HIBADH: variants seen among roughly 807,000 people sequenced by gnomAD.
HIBADH encodes 3-hydroxyisobutyrate dehydrogenase, mitochondrial.
Under a neutral mutation model 36.1 loss-of-function variants are expected in HIBADH, and 25 were observed. That is an observed-to-expected ratio of 0.69 (90% confidence interval 0.50 to 0.97). The LOEUF (loss-of-function observed/expected upper bound fraction) is 0.97. HIBADH is among the 50% of genes least tolerant of loss of function. HIBADH has a pLI of 0.00. For synonymous variants in HIBADH, 160 were observed against 149.5 expected (o/e 1.07, Z -0.51); for missense variants, 421 against 418.0 (o/e 1.01, Z -0.06).
intron 2 of HIBADH, among the ~76,000 whole-genome samples, chr7:27,640,628 T>C (rs1307910971): frequency 6.6e-6 from 1 of 152,322 alleles, no homozygotes; most frequent in Admixed American, 6.5e-5. Flanking sequence ...TTCCACCTTT[T>C]GGGCCTGAAT....
intron 1 of HIBADH, among the ~76,000 whole-genome samples, chr7:27,650,727 AAAAG>A (rs1435241649): frequency 1.3e-5 from 2 of 149,208 alleles, no homozygotes; most frequent in Non-Finnish European, 1.5e-5. Flanking sequence ...AAAAAAAAAA[AAAAG>A]CCTTAAAAAC....
chr7:27,610,299 T>C (rs1217578484), intron 4 of HIBADH, among the ~76,000 whole-genome samples: 1 of 152,188 alleles, frequency 6.6e-6, no homozygotes, highest in Non-Finnish European at 1.5e-5. Context: ...TTTGGACATA[T>C]GCAAATACCC....
At chr7:27,546,524 T>TA (rs761931646) in intron 4 of HIBADH, among the ~76,000 whole-genome samples, 2 of 152,184 alleles carry the variant, frequency 1.3e-5, no homozygotes, top group African/African-American at 2.4e-5. Context: ...GGGATAATTT[T>TA]AGCCCCTCTT....
intron 4 of HIBADH, among the ~76,000 whole-genome samples, chr7:27,560,704 C>T (rs1349853629): frequency 6.6e-6 from 1 of 152,042 alleles, no homozygotes; most frequent in Non-Finnish European, 1.5e-5. Flanking sequence ...GTGCATATAC[C>T]ACATTTTGTT....
At chr7:27,651,214 A>G (rs930875021) in intron 1 of HIBADH, among the ~76,000 whole-genome samples, 2 of 152,200 alleles carry the variant, frequency 1.3e-5, no homozygotes, top group Non-Finnish European at 2.9e-5. Flanking sequence ...TTGAAGCCCT[A>G]ATGCTTAAGA....
At chr7:27,555,074 A>C (rs1454454892) in intron 4 of HIBADH, among the ~76,000 whole-genome samples, 1 of 152,180 alleles carries the variant, frequency 6.6e-6, no homozygotes, top group Non-Finnish European at 1.5e-5. Flanking sequence ...TTTGAATGCC[A>C]TGTGACTGTT....
chr7:27,596,836 C>A (rs1192482737), intron 4 of HIBADH, among the ~76,000 whole-genome samples: 2 of 152,082 alleles, frequency 1.3e-5, no homozygotes, highest in Non-Finnish European at 2.9e-5. Context: ...CTTTGAACAT[C>A]ATGTCAGTAC....
At chr7:27,550,382 A>G (rs1317598232) in intron 4 of HIBADH, among the ~76,000 whole-genome samples, 1 of 152,110 alleles carries the variant, frequency 6.6e-6, no homozygotes, top group African/African-American at 2.4e-5. Flanking sequence ...TCCTTAAATG[A>G]GCTCTGATTT....
At chr7:27,538,318 T>C in intron 6 of HIBADH, 23 bp downstream of exon 6, 1 of 1,577,256 alleles carries the variant, frequency 6.3e-7, no homozygotes, top group East Asian at 2.2e-5. Flanking sequence ...AATGTTAGTA[T>C]AAAAACGTAC....
At chr7:27,612,583 A>C (rs1381386602) in intron 4 of HIBADH, among the ~76,000 whole-genome samples, 3 of 151,258 alleles carry the variant, frequency 2.0e-5, no homozygotes, top group Non-Finnish European at 4.4e-5. Flanking sequence ...TCGGCCTCCC[A>C]AAGTGCTGGG....
At chr7:27,574,375 A>C (rs1258666938) in intron 4 of HIBADH, among the ~76,000 whole-genome samples, 3 of 152,096 alleles carry the variant, frequency 2.0e-5, no homozygotes, top group African/African-American at 7.2e-5. Flanking sequence ...TTCCCACAGA[A>C]ATATGATGCT....
At chr7:27,657,877 TTATTG>T (rs1204283296) in intron 1 of HIBADH, among the ~76,000 whole-genome samples, 1 of 152,140 alleles carries the variant, frequency 6.6e-6, no homozygotes, top group Non-Finnish European at 1.5e-5. Context: ...CTTCAGAAGA[TTATTG>T]TAAAGATTAC....
intron 4 of HIBADH, among the ~76,000 whole-genome samples, chr7:27,623,860 C>T (rs767044218): frequency 5.3e-5 from 8 of 152,182 alleles, no homozygotes; most frequent in Non-Finnish European, 1.0e-4. Flanking sequence ...TGCAATGGTG[C>T]GATCTCAGCT....
intron 4 of HIBADH, among the ~76,000 whole-genome samples, chr7:27,587,668 C>T (rs546666505): frequency 2.1e-4 from 32 of 152,254 alleles, no homozygotes; most frequent in African/African-American, 7.5e-4. Flanking sequence ...CTCGCCTTAC[C>T]GCTACAATTA....
At chr7:27,550,543 T>C (rs1464541377) in intron 4 of HIBADH, among the ~76,000 whole-genome samples, 1 of 152,226 alleles carries the variant, frequency 6.6e-6, no homozygotes, top group African/African-American at 2.4e-5. Context: ...CATGCCTATC[T>C]TGGGCTGTTC....
In HIBADH at chr7:27,525,494, T is replaced by C. The variant is rs1324325008; in HGVS notation, c.*720A>G. The C allele has an allele frequency of 6.6e-6, 1 of 152,136 alleles. No individual in the cohort carries two copies. Among genetic ancestry groups the C allele is most frequent in the Non-Finnish European group, 1.5e-5 (1 of 68,042 alleles). 9.4% of individuals were successfully genotyped at this position (152,136 alleles called of 1,614,324 possible). On this transcript the variant is annotated 3_prime_UTR_variant, in exon 8 of 8. Coordinates refer to ENST00000265395, the MANE Select transcript of HIBADH (RefSeq NM_152740.4). ...CAAAATAATATGGCTATATTTATAA[T>C]AATATAATAATTATCTAAAGCAAAT...
chr7:27,650,012 C>T (rs555171922), intron 1 of HIBADH, among the ~76,000 whole-genome samples: 1 of 152,090 alleles, frequency 6.6e-6, no homozygotes, highest in African/African-American at 2.4e-5. Flanking sequence ...GGGGCACATT[C>T]ACAAAATTTT....
intron 4 of HIBADH, among the ~76,000 whole-genome samples, chr7:27,599,677 C>A (rs1785092118): frequency 1.8e-5 from 1 of 54,144 alleles, no homozygotes; most frequent in Non-Finnish European, 2.8e-5. Context: ...GAGACTCTGT[C>A]TCCAAAAAAA....
intron 7 of HIBADH, among the ~76,000 whole-genome samples, chr7:27,530,242 G>C (rs1427804320): frequency 1.3e-5 from 2 of 151,376 alleles, no homozygotes. Flanking sequence ...GTCTCACTCT[G>C]TTGCCCAGGC....
Sources: gnomAD v4.1 joint callset for allele counts (sites outside exome capture counted in the v4.1 genomes callset) on GRCh38, gnomAD v4.1.1 for gene constraint, MANE v1.5 for transcripts, NCBI Gene and HGNC (gene_info 2026-07-23, HGNC 2026-07-21) for gene names.